CHD1L: variants seen among roughly 807,000 people sequenced by gnomAD.
CHD1L encodes the protein ATP-dependent chromatin remodeler CHD1L.
In CHD1L, 118 loss-of-function variants were observed where a neutral mutation model predicts 115.9. The observed-to-expected ratio is 1.02, with a 90% confidence interval of 0.88 to 1.19. The LOEUF is 1.19. Ranked by LOEUF, CHD1L falls within the 50% of genes most tolerant of loss-of-function variation. The pLI, the probability that CHD1L is intolerant of heterozygous loss-of-function variation, is 0.00. For missense variants in CHD1L, 1,179 were observed against 1,065.3 expected, an observed-to-expected ratio of 1.11 and a Z score of -1.49; for synonymous variants, 411 against 387.1, an observed-to-expected ratio of 1.06 and a Z score of -0.72.
At chr1:147,270,106 C>G (rs587695247) in intron 10 of CHD1L, among the ~76,000 whole-genome samples, 14 of 152,328 alleles carry the variant, frequency 9.2e-5, no homozygotes, top group East Asian at 7.7e-4. Context: ...ATTGCTTTCT[C>G]TACCCATTTG....
chr1:147,173,303 C>G, the CHD1L span: 3 of 152,770 alleles, frequency 2.0e-5, no homozygotes, highest in Admixed American at 6.5e-5. Context: ...CCGTCCCCCT[C>G]TCCCCGCCCC....
At chr1:147,287,797 G>T in intron 19 of CHD1L, 64 bp downstream of exon 19, 1 of 1,349,058 alleles carries the variant, frequency 7.4e-7, no homozygotes, top group South Asian at 1.2e-5. Flanking sequence ...ACCTAAGACT[G>T]TATCGTGAGG....
At chr1:147,241,043 T>G (rs762916240), upstream of CHD1L, among the ~76,000 whole-genome samples, 2 of 152,216 alleles carry the variant, frequency 1.3e-5, no homozygotes. Context: ...TACCCACAAG[T>G]GTGGAGGGGC....
At chr1:147,180,639 G>A in the CHD1L span, among the ~76,000 whole-genome samples, 1 of 152,144 alleles carries the variant, frequency 6.6e-6, no homozygotes, top group Non-Finnish European at 1.5e-5. Flanking sequence ...GAGAAAGGAA[G>A]ATGCCAGTTT....
chr1:147,174,227 TTA>T, the CHD1L span, among the ~76,000 whole-genome samples: 2 of 152,216 alleles, frequency 1.3e-5, no homozygotes, highest in East Asian at 3.8e-4. Flanking sequence ...TCCAAAATCT[TTA>T]TGTCTGAGTA....
At chr1:147,269,667 C>CAAAAAAAA (rs10649680) in intron 10 of CHD1L, among the ~76,000 whole-genome samples, 4 of 93,256 alleles carry the variant, frequency 4.3e-5, no homozygotes, top group Admixed American at 1.3e-4. Flanking sequence ...GGCTCCATCT[C>CAAAAAAAA]AAAAAAAAAA....
At chr1:147,190,275 C>T in the CHD1L span, 1 of 1,379,740 alleles carries the variant, frequency 7.2e-7, no homozygotes, top group South Asian at 1.2e-5. Flanking sequence ...AACATTTTAA[C>T]TGTAAAATTA....
the CHD1L span, chr1:147,179,149 G>A: frequency 6.2e-7 from 1 of 1,614,066 alleles, no homozygotes; most frequent in Non-Finnish European, 8.5e-7. Context: ...CTCGCGTGAT[G>A]GGAATGCTCT....
intron 6 of CHD1L, among the ~76,000 whole-genome samples, chr1:147,261,410 T>TC (rs1671880376): frequency 1.2e-4 from 16 of 131,078 alleles, no homozygotes; most frequent in Admixed American, 3.0e-4. Context: ...ACTTTTTTTT[T>TC]TTTATATATA....
At chr1:147,266,108 C>T (rs199632392) in intron 8 of CHD1L, 21 bp downstream of exon 8, 3 of 1,589,742 alleles carry the variant, frequency 1.9e-6, no homozygotes, top group East Asian at 4.5e-5. Context: ...GGCACTTGTC[C>T]ATTTAGAAAC....
At chr1:147,203,975 TC>T in the CHD1L span, 1 of 1,214,796 alleles carries the variant, frequency 8.2e-7, no homozygotes, top group Non-Finnish European at 1.2e-6. Flanking sequence ...TCTTCGGACA[TC>T]CCATTTTGAG....
the CHD1L span, among the ~76,000 whole-genome samples, chr1:147,198,850 C>CAAAAAA: frequency 3.7e-4 from 19 of 51,700 alleles, no homozygotes; most frequent in South Asian, 2.0e-3. Flanking sequence ...GACTGCATCT[C>CAAAAAA]AAAAAAAAAA....
At chr1:147,288,759 A>G (rs1684376138) in intron 19 of CHD1L, among the ~76,000 whole-genome samples, 1 of 152,194 alleles carries the variant, frequency 6.6e-6, no homozygotes, top group Non-Finnish European at 1.5e-5. Flanking sequence ...GAGTGGAATG[A>G]AGATGTGTTA....
chr1:147,267,591 C>A, intron 9 of CHD1L, 73 bp downstream of exon 9: 1 of 1,166,160 alleles, frequency 8.6e-7, no homozygotes, highest in Non-Finnish European at 1.2e-6. Flanking sequence ...CAAAATTCTT[C>A]AAAATAATTG....
intron 20 of CHD1L, 120 bp downstream of exon 20, chr1:147,291,672 A>G: frequency 1.3e-6 from 1 of 743,610 alleles, no homozygotes; most frequent in Non-Finnish European, 2.4e-6. Flanking sequence ...CTGCCATAAC[A>G]AAAAGACACA....
chr1:147,236,735 G>A, the CHD1L span, among the ~76,000 whole-genome samples: 19 of 152,308 alleles, frequency 1.2e-4, no homozygotes, highest in Middle Eastern at 0.01. Flanking sequence ...CCTGGGGTGG[G>A]TAGCTCCTCT....
the CHD1L span, among the ~76,000 whole-genome samples, chr1:147,196,486 GA>G: frequency 6.6e-6 from 1 of 150,702 alleles, no homozygotes; most frequent in Non-Finnish European, 1.5e-5. Flanking sequence ...ATTCATAAAA[GA>G]AAGAAAAAAA....
At chr1:147,232,316 G>T in the CHD1L span, among the ~76,000 whole-genome samples, 1 of 152,168 alleles carries the variant, frequency 6.6e-6, no homozygotes, top group African/African-American at 2.4e-5. Context: ...CTGAGTGTTG[G>T]GAAGAAAGCT....
the CHD1L span, chr1:147,190,192 T>C: frequency 4.8e-5 from 78 of 1,610,056 alleles, no homozygotes; most frequent in East Asian, 1.7e-3. Context: ...GTCAATTTCC[T>C]CTTGAGCTTT....
Sources: gnomAD v4.1 joint callset for allele counts (sites outside exome capture counted in the v4.1 genomes callset) on GRCh38, gnomAD v4.1.1 for gene constraint, MANE v1.5 for transcripts, NCBI Gene and HGNC (gene_info 2026-07-23, HGNC 2026-07-21) for gene names.